Variants in HYAL4 observed in about 807,000 individuals in gnomAD.
HYAL4 encodes the protein hyaluronidase 4, also known as hyaluronidase-4.
A neutral mutation model predicts 35.2 loss-of-function variants in HYAL4; 37 were observed. That is an observed-to-expected ratio of 1.05 (90% confidence interval 0.81 to 1.38). HYAL4 has a LOEUF of 1.38. Among genes scored for constraint, HYAL4 ranks in the 40% most tolerant of loss-of-function variants. The pLI is 0.00. For missense variants in HYAL4, 572 were observed against 572.4 expected (o/e 1.00, Z 0.01); for synonymous variants, 198 against 203.2 (o/e 0.97, Z 0.22).
At chr7:123,775,749 A>G in the HYAL4 span, among the ~76,000 whole-genome samples, 3 of 152,186 alleles carry the variant, frequency 2.0e-5, no homozygotes, top group South Asian at 6.2e-4. Context: ...CTTTCCTGTC[A>G]TCTTTAGATG....
chr7:123,873,797 A>G (rs1007763905), intron 3 of HYAL4, among the ~76,000 whole-genome samples: 1 of 152,262 alleles, frequency 6.6e-6, no homozygotes, highest in Non-Finnish European at 1.5e-5. Flanking sequence ...TCTCTCTGCT[A>G]AAACCTTACC....
chr7:123,846,469 C>A (rs1256420007), intron 1 of HYAL4, among the ~76,000 whole-genome samples: 1 of 151,998 alleles, frequency 6.6e-6, no homozygotes, highest in Non-Finnish European at 1.5e-5. Context: ...TCATACAACC[C>A]AAAAGGCCAG....
the HYAL4 span, among the ~76,000 whole-genome samples, chr7:123,809,644 C>T: frequency 6.6e-6 from 1 of 152,040 alleles, no homozygotes; most frequent in African/African-American, 2.4e-5. Context: ...AGTGTTCTGC[C>T]CCCTTCAGCC....
chr7:123,852,366 T>G (rs1806325845), intron 2 of HYAL4, among the ~76,000 whole-genome samples: 1 of 152,182 alleles, frequency 6.6e-6, no homozygotes, highest in South Asian at 2.1e-4. Flanking sequence ...GTTTTTATGG[T>G]TTTAGGTCTT....
chr7:123,842,284 A>T (rs1806086399), upstream of HYAL4, among the ~76,000 whole-genome samples: 1 of 152,044 alleles, frequency 6.6e-6, no homozygotes, highest in Admixed American at 6.6e-5. Flanking sequence ...AAAGTTGTTC[A>T]GTTTCCATGT....
chr7:123,868,127 A>G, intron 2 of HYAL4, 96 bp from the exon 3 acceptor site: 1 of 429,646 alleles, frequency 2.3e-6, no homozygotes, highest in Admixed American at 3.9e-5. Flanking sequence ...TAAGTGATAC[A>G]CTTTACAAAT....
chr7:123,803,185 G>A, the HYAL4 span, among the ~76,000 whole-genome samples: 21,360 of 152,218 alleles, frequency 0.14, 1,621 homozygotes, highest in Middle Eastern at 0.16. Flanking sequence ...GCTACTTGGA[G>A]GGCTGAGATA....
At chr7:123,805,961 T>G in the HYAL4 span, among the ~76,000 whole-genome samples, 1 of 151,848 alleles carries the variant, frequency 6.6e-6, no homozygotes, top group African/African-American at 2.4e-5. Context: ...GCCACTGTAC[T>G]CCAGCTTGGG....
chr7:123,779,874 C>A, the HYAL4 span, among the ~76,000 whole-genome samples: 1 of 151,976 alleles, frequency 6.6e-6, no homozygotes, highest in Non-Finnish European at 1.5e-5. Context: ...TTTATTTGGT[C>A]TTTTGAAACA....
upstream of HYAL4, among the ~76,000 whole-genome samples, chr7:123,843,254 A>C (rs1806104571): frequency 6.6e-6 from 1 of 151,962 alleles, no homozygotes; most frequent in Middle Eastern, 3.2e-3. Flanking sequence ...TCCTTCACTT[A>C]TGAAGCTTAG....
chr7:123,832,479 C>CTTTTT lies in HYAL4; in HGVS notation c.-257+3389_-257+3393dup, dbSNP rs71163703. 1.5e-3 allele frequency among the ~76,000 whole-genome samples: 32 copies of CTTTTT among 21,840 alleles called. 7 individuals are homozygous for CTTTTT. The highest frequency in any genetic ancestry group is 1.9e-3 in the Non-Finnish European group (26 of 13,728). The allele number at this position is 21,840 out of a possible 152,430, so 14.3% of individuals were successfully genotyped here. A position where few individuals can be genotyped will look rare whatever the true frequency, so the allele number is the denominator to read the frequency against. On this transcript the variant is annotated intron_variant, in intron 1 of 4. Coordinates refer to the HYAL4 transcript ENST00000489978. Reference sequence around the variant, plus strand: ...AGTCCCCAAAGTCTATTGTGTCATACTTTTTTTTTTTTTTTTTTTTTTTTT... The same window carrying CTTTTT: ...AGTCCCCAAAGTCTATTGTGTCATACTTTTTTTTTTTTTTTTTTTTTTTTTTTTTT...
rs757412454 is a variant in HYAL4 at position 123,868,708 on chromosome 7, T to C, written c.435T>C (p.Asp145=). The change falls in exon 3 of 5, where the codon GAT becomes GAC. Residue 145 remains aspartate, a synonymous_variant. Transcript: ENST00000223026. ...ATTTCAGTGGACTTGCTGTTATAGA[T>C]TGGGAATATTGGCGACCACAGTGGG... ...AEDFSGLAVI[D]WEYWRPQWAR... is the part of the protein sequence containing the mutation. The C allele has an allele frequency of 2.5e-6, 4 of 1,613,668 alleles. No homozygotes were observed. The Admixed American group carries it at 6.7e-5, about 27-fold the overall frequency.
In HYAL4 at chr7:123,868,521, G is replaced by A. The variant is rs143326141; in HGVS notation, c.248G>A (p.Arg83Lys). 368 of 1,609,202 alleles carry A rather than the reference G, an allele frequency of 2.3e-4. No individual in the cohort carries two copies. The highest frequency in any genetic ancestry group is 3.1e-4 in the Non-Finnish European group (362 of 1,178,832). The change falls in exon 3 of 5, where the codon AGG (arginine) becomes AAG (lysine). Residue 83 changes from arginine to lysine, a missense_variant. Arg to Lys is a conservative substitution (Grantham distance 26). Coordinates refer to ENST00000223026, the MANE Select transcript of HYAL4 (RefSeq NM_012269.3). The stretch of plus-strand genomic sequence containing the variant: ...ATTGGAAGCCCACTGGCCAAGGCCA[G>A]GGGGCAAAATGTCACTATATTTTAT... ...PVIGSPLAKA[R>K]GQNVTIFYVN... is the part of the protein sequence containing the mutation.
At chr7:123,864,131 G>A (rs1044551700) in intron 2 of HYAL4, among the ~76,000 whole-genome samples, 3 of 152,172 alleles carry the variant, frequency 2.0e-5, no homozygotes, top group African/African-American at 7.2e-5. Context: ...TTAGAACTAT[G>A]AAACCAAGGT....
the HYAL4 span, among the ~76,000 whole-genome samples, chr7:123,812,884 A>G: frequency 6.6e-6 from 1 of 152,212 alleles, no homozygotes; most frequent in Non-Finnish European, 1.5e-5. Context: ...GAGAAAAACC[A>G]TCTCTGATAG....
chr7:123,869,309 G>T (rs1197737827), intron 3 of HYAL4, 82 bp downstream of exon 3: 4 of 968,654 alleles, frequency 4.1e-6, no homozygotes, highest in African/African-American at 3.3e-5. Flanking sequence ...GTTCTTTGAA[G>T]AATTGATTTC....
chr7:123,841,916 G>A (rs769309499), upstream of HYAL4, among the ~76,000 whole-genome samples: 4 of 151,540 alleles, frequency 2.6e-5, no homozygotes, highest in Non-Finnish European at 5.9e-5. Flanking sequence ...GCAGTCTATC[G>A]ATTTTGTTGA....
upstream of HYAL4, chr7:123,828,950 C>T (rs1338045234): frequency 6.6e-6 from 1 of 152,594 alleles, no homozygotes; most frequent in Non-Finnish European, 1.5e-5. Flanking sequence ...TTCTGTTTTT[C>T]CTACAGGAGA....
the HYAL4 span, among the ~76,000 whole-genome samples, chr7:123,765,357 C>T: frequency 2.6e-5 from 4 of 152,076 alleles, no homozygotes; most frequent in African/African-American, 9.7e-5. Context: ...AAATAGCATA[C>T]AATTAACTAT....
Sources: gnomAD v4.1 joint callset for allele counts (sites outside exome capture counted in the v4.1 genomes callset) on GRCh38, gnomAD v4.1.1 for gene constraint, MANE v1.5 for transcripts, NCBI Gene and HGNC (gene_info 2026-07-23, HGNC 2026-07-21) for gene names.